Variants in ZNF536 observed in about 807,000 individuals in gnomAD.
ZNF536 encodes the protein zinc finger protein 536.
In ZNF536, 13 loss-of-function variants were observed where a neutral mutation model predicts 84.5. That is an observed-to-expected ratio of 0.15 (90% CI 0.10 to 0.24). The LOEUF is 0.24. ZNF536 is among the 10% of genes least tolerant of loss of function. ZNF536 has a pLI of 1.00. For synonymous variants in ZNF536, 811 were observed against 742.5 expected (o/e 1.09, Z -1.50); for missense variants, 1,536 against 1,747.5 (o/e 0.88, Z 2.16).
At chr19:30,527,219 CTTTTTTT>C (rs56404227) in intron 2 of ZNF536, among the ~76,000 whole-genome samples, 11 of 106,168 alleles carry the variant, frequency 1.0e-4, no homozygotes, top group South Asian at 3.4e-4. Context: ...ACCCAGCCTC[CTTTTTTT>C]TTTTTTTTTT....
intron 2 of ZNF536, among the ~76,000 whole-genome samples, chr19:30,497,207 C>A (rs7248422): frequency 0.022 from 3,378 of 152,212 alleles, 128 homozygotes; most frequent in African/African-American, 0.078. Context: ...CGGCTTGAGT[C>A]ATCAATGATG....
intron 1 of ZNF536, among the ~76,000 whole-genome samples, chr19:30,571,208 C>T (rs761214654): frequency 7.2e-5 from 11 of 152,020 alleles, no homozygotes; most frequent in African/African-American, 2.4e-4. Flanking sequence ...GAGAGGTGGT[C>T]GGCTTCAGTG....
At chr19:30,310,703 C>T (rs1460936960) in intron 2 of ZNF536, among the ~76,000 whole-genome samples, 2 of 152,194 alleles carry the variant, frequency 1.3e-5, no homozygotes, top group South Asian at 2.1e-4. Flanking sequence ...AATTTGTAAC[C>T]GCTCCTCGGA....
At chr19:30,545,543 A>G (rs975169339) in intron 3 of ZNF536, among the ~76,000 whole-genome samples, 2 of 151,462 alleles carry the variant, frequency 1.3e-5, no homozygotes, top group East Asian at 2.0e-4. Flanking sequence ...GACTACAGGC[A>G]CCCACCACCA....
At chr19:30,669,856 G>A (rs185724676) in intron 1 of ZNF536, among the ~76,000 whole-genome samples, 1 of 152,348 alleles carries the variant, frequency 6.6e-6, no homozygotes, top group Admixed American at 6.5e-5. Flanking sequence ...TTGTGGCAAT[G>A]TGCACGAATA....
At chr19:30,328,060 CA>C (rs1248421919) in intron 2 of ZNF536, among the ~76,000 whole-genome samples, 1 of 152,198 alleles carries the variant, frequency 6.6e-6, no homozygotes, top group Non-Finnish European at 1.5e-5. Flanking sequence ...TAATTCACAT[CA>C]AATGCTTGGC....
At chr19:30,329,541 C>A (rs1345885957) in intron 2 of ZNF536, among the ~76,000 whole-genome samples, 2 of 152,056 alleles carry the variant, frequency 1.3e-5, no homozygotes, top group Non-Finnish European at 2.9e-5. Flanking sequence ...ATGCAACAGC[C>A]ATGAAAGTGA....
intron 2 of ZNF536, among the ~76,000 whole-genome samples, chr19:30,305,419 GTTAA>G (rs1161527664): frequency 2.6e-5 from 4 of 152,172 alleles, no homozygotes; most frequent in African/African-American, 9.7e-5. Context: ...AAAGTATTCT[GTTAA>G]TTGAGTCAAG....
At chr19:30,669,000 G>T (rs368336408) in intron 1 of ZNF536, among the ~76,000 whole-genome samples, 15 of 152,348 alleles carry the variant, frequency 9.8e-5, no homozygotes, top group East Asian at 5.8e-4. Flanking sequence ...CGGGGGCAAG[G>T]GTTGTCGGGG....
At chr19:30,600,152 G>T (rs1466368262) in intron 1 of ZNF536, among the ~76,000 whole-genome samples, 2 of 151,930 alleles carry the variant, frequency 1.3e-5, no homozygotes, top group East Asian at 3.9e-4. Flanking sequence ...GACTGCATTG[G>T]CTTGATTTCA....
At chr19:30,371,303 G>T (rs1282116467), upstream of ZNF536, among the ~76,000 whole-genome samples, 2 of 152,138 alleles carry the variant, frequency 1.3e-5, no homozygotes, top group Non-Finnish European at 2.9e-5. Flanking sequence ...AGGCAGCTGG[G>T]CTTCATGAAA....
chr19:30,273,924 G>A (rs2025990142), intron 1 of ZNF536, among the ~76,000 whole-genome samples: 1 of 152,074 alleles, frequency 6.6e-6, no homozygotes, highest in South Asian at 2.1e-4. Flanking sequence ...TGCAAGAATG[G>A]AAAGAAATGC....
At chr19:30,652,964 T>C (rs1199856387) in intron 1 of ZNF536, among the ~76,000 whole-genome samples, 1 of 152,128 alleles carries the variant, frequency 6.6e-6, no homozygotes, top group African/African-American at 2.4e-5. Context: ...CAGTGCTGCA[T>C]CCACTCTCGA....
chr19:30,645,675 T>C (rs2049439656), intron 1 of ZNF536, among the ~76,000 whole-genome samples: 1 of 152,222 alleles, frequency 6.6e-6, no homozygotes, highest in Admixed American at 6.5e-5. Flanking sequence ...TGTGTCTATA[T>C]CCATATCTTC....
intron 2 of ZNF536, among the ~76,000 whole-genome samples, chr19:30,297,989 T>C (rs1056861123): frequency 1.1e-4 from 17 of 151,156 alleles, no homozygotes; most frequent in African/African-American, 4.1e-4. Flanking sequence ...CAAAGGATTC[T>C]CCTGCCTCAG....
chr19:30,585,985 C>T (rs902600854), intron 1 of ZNF536, among the ~76,000 whole-genome samples: 4 of 152,180 alleles, frequency 2.6e-5, no homozygotes, highest in South Asian at 2.1e-4. Context: ...TGAGCTCATA[C>T]GTATCAGTCA....
intron 2 of ZNF536, among the ~76,000 whole-genome samples, chr19:30,504,667 T>C (rs1238313010): frequency 7.2e-6 from 1 of 138,458 alleles, no homozygotes; most frequent in Admixed American, 7.3e-5. Context: ...CTGCCCTGTC[T>C]CCCTTCTTTC....
intron 2 of ZNF536, among the ~76,000 whole-genome samples, chr19:30,345,743 C>T (rs754760133): frequency 2.0e-5 from 3 of 152,170 alleles, no homozygotes; most frequent in South Asian, 2.1e-4. Flanking sequence ...GAGCCATGCT[C>T]GACCCACCAG....
At chr19:30,609,065 A>C (rs2047999930) in intron 1 of ZNF536, among the ~76,000 whole-genome samples, 1 of 152,268 alleles carries the variant, frequency 6.6e-6, no homozygotes, top group Non-Finnish European at 1.5e-5. Context: ...GGATAGGAAC[A>C]GCTAGCAAAG....
Sources: gnomAD v4.1 joint callset for allele counts (sites outside exome capture counted in the v4.1 genomes callset) on GRCh38, gnomAD v4.1.1 for gene constraint, MANE v1.5 for transcripts, NCBI Gene and HGNC (gene_info 2026-07-23, HGNC 2026-07-21) for gene names.